USP37: variants seen among roughly 807,000 people sequenced by gnomAD.
USP37 encodes the protein ubiquitin carboxyl-terminal hydrolase 37.
A neutral mutation model predicts 124.0 loss-of-function variants in USP37; 27 were observed. The observed-to-expected ratio is 0.22, with a 90% CI of 0.16 to 0.30. The LOEUF is 0.30. Ranked by LOEUF, USP37 falls within the 10% of genes least tolerant of loss-of-function variation. The pLI is 1.00. For synonymous variants in USP37, 365 were observed against 388.0 expected, an observed-to-expected ratio of 0.94 and a Z score of 0.70; for missense variants, 889 against 1,140.4, an observed-to-expected ratio of 0.78 and a Z score of 3.17.
Position 218,466,074 on chromosome 2 carries a change from T to C in USP37, c.2402A>G (p.Asp801Gly). Residue 801 changes from aspartate (D) to glycine (G), a missense_variant, in exon 21 of 26, where the codon GAT becomes GGT. Transcript: ENST00000258399. Reference sequence around the variant, plus strand: ...TTGCTCTTCCCTTTCACGCTCCATATCATACTGCTGGAGCCAATCAACTTC... The same window carrying C: ...TTGCTCTTCCCTTTCACGCTCCATACCATACTGCTGGAGCCAATCAACTTC... ...QGEVDWLQQY[D>G]MEREREEQEL... The C allele has an allele frequency of 6.2e-7, 1 of 1,614,010 alleles. No individual in the cohort carries two copies. The highest frequency in any genetic ancestry group is 8.5e-7 in the Non-Finnish European group (1 of 1,180,006).
At chr2:218,540,779 T>C (rs1691930384) in intron 8 of USP37, among the ~76,000 whole-genome samples, 1 of 152,238 alleles carries the variant, frequency 6.6e-6, no homozygotes, top group Non-Finnish European at 1.5e-5. Flanking sequence ...CATTTGCCTA[T>C]GCTGTCTATG....
intron 16 of USP37, among the ~76,000 whole-genome samples, chr2:218,485,360 C>T (rs1574866726): frequency 6.6e-6 from 1 of 152,054 alleles, no homozygotes; most frequent in African/African-American, 2.4e-5. Flanking sequence ...CCCTACGTTA[C>T]CCAGGCTGGT....
chr2:218,484,282 A>G (rs1015199666), intron 16 of USP37, among the ~76,000 whole-genome samples: 1 of 152,140 alleles, frequency 6.6e-6, no homozygotes, highest in Non-Finnish European at 1.5e-5. Flanking sequence ...TTGAGATTAC[A>G]GGCGTGAACC....
At position 218,508,182 on chromosome 2, in the gene USP37, C is replaced by A. The variant is rs1689778430; in HGVS notation, c.1025+1797G>T. On this transcript the variant is annotated intron_variant, in intron 11 of 25. Transcript: ENST00000258399. ...GCTTTTCTTTGTACTCCTGGTTAAT[C>A]TTATGGTTTTTTTTGGAGGATTTGT... Among the ~76,000 whole-genome samples, 2 of 151,888 alleles carry A rather than the reference C, an allele frequency of 1.3e-5. 1 individual carries two copies. The highest frequency in any genetic ancestry group is 4.1e-4 in the South Asian group (2 of 4,820).
chr2:218,566,382 T>A (rs1301003465), intron 1 of USP37, among the ~76,000 whole-genome samples: 1 of 152,204 alleles, frequency 6.6e-6, no homozygotes, highest in Non-Finnish European at 1.5e-5. Context: ...TGCAGTCTTG[T>A]GAACCACAGT....
chr2:218,558,743 A>C, intron 3 of USP37, 66 bp from the exon 4 acceptor site: 2 of 1,206,346 alleles, frequency 1.7e-6, no homozygotes, highest in South Asian at 1.5e-5. Context: ...AAGATAAGTT[A>C]TAACTTACTA....
intron 10 of USP37, among the ~76,000 whole-genome samples, chr2:218,527,493 A>C (rs1196907727): frequency 3.3e-5 from 5 of 152,232 alleles, no homozygotes; most frequent in African/African-American, 4.8e-5. Context: ...TGTGTTCTCC[A>C]CATTCCTTAC....
intron 13 of USP37, among the ~76,000 whole-genome samples, chr2:218,496,884 CAG>C (rs1689110509): frequency 6.6e-6 from 1 of 151,958 alleles, no homozygotes. Context: ...CTCCTGACCT[CAG>C]ATGATCCACC....
intron 10 of USP37, among the ~76,000 whole-genome samples, chr2:218,525,331 A>C (rs1690896494): frequency 6.6e-6 from 1 of 152,102 alleles, no homozygotes; most frequent in Admixed American, 6.5e-5. Flanking sequence ...AAATACCAAA[A>C]AAATAGCCAG....
rs80255561 is a variant in USP37 at position 218,495,979 on chromosome 2, A to G, written c.1282-29T>C. On this transcript the variant is annotated intron_variant, in intron 13 of 25. Coordinates refer to ENST00000258399, the MANE Select transcript of USP37 (RefSeq NM_020935.3). ...ATAAGACAACAATATCCTTAATCAG[A>G]TAAAAACATTTCTTGTCACAATAGC... 2.1e-4 allele frequency: 335 copies of G among 1,582,146 alleles called. 2 individuals are homozygous for G. The East Asian group carries it at 6.9e-3, about 33-fold the overall frequency.
chr2:218,550,724 C>G (rs1008015391), intron 5 of USP37, among the ~76,000 whole-genome samples: 4 of 150,748 alleles, frequency 2.7e-5, no homozygotes, highest in Non-Finnish European at 5.9e-5. Flanking sequence ...TAGTAGGAAT[C>G]TGAGTTTGGT....
intron 8 of USP37, among the ~76,000 whole-genome samples, chr2:218,545,199 T>C (rs372509299): frequency 6.6e-6 from 1 of 152,246 alleles, no homozygotes; most frequent in East Asian, 1.9e-4. Flanking sequence ...GCCACAATAG[T>C]TGAAATACAG....
intron 24 of USP37, among the ~76,000 whole-genome samples, 200 bp from the exon 25 acceptor site, chr2:218,455,918 C>A (rs1419652625): frequency 1.3e-5 from 2 of 151,976 alleles, no homozygotes. Context: ...TGGTGGCGTG[C>A]GCCTGTAGTC....
intron 14 of USP37, among the ~76,000 whole-genome samples, chr2:218,490,422 T>C (rs1447162608): frequency 6.6e-6 from 1 of 152,206 alleles, no homozygotes; most frequent in Non-Finnish European, 1.5e-5. Context: ...AGTTATCAAA[T>C]ATATTTTTTA....
Position 218,452,812 on chromosome 2 carries a change from T to C in USP37, c.*2118A>G, listed in dbSNP as rs1358184986. The stretch of plus-strand genomic sequence containing the variant: ...AATCTTTCCCAATAATTTTTAACAG[T>C]GCCTCTCAAATGCAAAGACACGTAA... On this transcript the variant is annotated 3_prime_UTR_variant, in exon 26 of 26. Transcript: ENST00000258399. The C allele has an allele frequency of 6.6e-6, 1 of 152,202 alleles. No individual in the cohort carries two copies. The highest frequency in any genetic ancestry group is 1.5e-5 in the Non-Finnish European group (1 of 68,042). 9.4% of individuals were successfully genotyped at this position (152,202 alleles called of 1,614,324 possible). A position where few individuals can be genotyped will look rare whatever the true frequency, so the allele number is the denominator to read the frequency against.
At chr2:218,515,468 T>C (rs535564310) in intron 10 of USP37, among the ~76,000 whole-genome samples, 20 of 152,232 alleles carry the variant, frequency 1.3e-4, no homozygotes, top group African/African-American at 4.6e-4. Context: ...ATTTAATAAA[T>C]GGTGCTGGGA....
chr2:218,461,679 A>G (rs759411171), intron 22 of USP37, among the ~76,000 whole-genome samples: 14 of 152,096 alleles, frequency 9.2e-5, no homozygotes, highest in Admixed American at 7.9e-4. Flanking sequence ...AATCCAATTT[A>G]TATCACTGAA....
intron 18 of USP37, among the ~76,000 whole-genome samples, chr2:218,478,603 G>A (rs907120306): frequency 6.6e-6 from 1 of 152,162 alleles, no homozygotes; most frequent in Non-Finnish European, 1.5e-5. Flanking sequence ...CCATGCCAAG[G>A]TACAATGATG....
intron 4 of USP37, 23 bp from the exon 5 acceptor site, chr2:218,553,747 T>C (rs771786622): frequency 2.1e-5 from 34 of 1,585,924 alleles, no homozygotes; most frequent in Non-Finnish European, 2.9e-5. Flanking sequence ...AAAGGAAAAT[T>C]ATCATCAAAA....
Sources: allele counts gnomAD v4.1 joint callset (sites outside exome capture counted in the v4.1 genomes callset), GRCh38; gene constraint gnomAD v4.1.1; transcripts MANE v1.5; gene names NCBI Gene and HGNC (gene_info 2026-07-23, HGNC 2026-07-21).